ZNF350: variants seen among roughly 807,000 people sequenced by gnomAD.
ZNF350 encodes KRAB zinc finger protein ZFQR.
Under a neutral mutation model 13.1 loss-of-function variants are expected in ZNF350, and 5 were observed. The observed-to-expected ratio is 0.38, with a 90% CI of 0.20 to 0.80. The LOEUF (loss-of-function observed/expected upper bound fraction) is 0.80. ZNF350 is among the 30% of genes least tolerant of loss of function. The probability of loss-of-function intolerance (pLI) is 0.43; values close to 1 mark genes in which losing one functional copy is unlikely to be tolerated. For synonymous variants in ZNF350, 199 were observed against 224.2 expected (o/e 0.89, Z 1.00); for missense variants, 534 against 644.2 (o/e 0.83, Z 1.85).
chr19:51,970,204 G>A (rs890295528), intron 2 of ZNF350, among the ~76,000 whole-genome samples: 10 of 151,820 alleles, frequency 6.6e-5, no homozygotes, highest in Admixed American at 1.3e-4. Context: ...TAGGATTACA[G>A]GTGCCCGCCA....
intron 2 of ZNF350, among the ~76,000 whole-genome samples, chr19:51,971,054 A>G (rs575573088): frequency 1.2e-4 from 19 of 152,348 alleles, no homozygotes; most frequent in Admixed American, 3.3e-4. Flanking sequence ...AATAGTGACA[A>G]TTAAGACTAC....
chr19:51,981,164 A>G (rs2086026535), intron 1 of ZNF350: 1 of 152,218 alleles, frequency 6.6e-6, no homozygotes. Flanking sequence ...TGCTGGAGGC[A>G]ATCACTCCCT....
At chr19:51,982,208 C>T (rs749178552) in intron 1 of ZNF350, among the ~76,000 whole-genome samples, 2 of 151,902 alleles carry the variant, frequency 1.3e-5, no homozygotes, top group African/African-American at 4.9e-5. Flanking sequence ...CATCCTAACT[C>T]ATAAAACCCC....
intron 1 of ZNF350, among the ~76,000 whole-genome samples, chr19:51,975,497 G>T (rs1000740332): frequency 2.0e-5 from 3 of 148,596 alleles, no homozygotes; most frequent in Non-Finnish European, 4.4e-5. Context: ...CAACAAAAGG[G>T]GGAAATGTAA....
chr19:51,967,628 GA>G (rs1433423149), intron 4 of ZNF350, among the ~76,000 whole-genome samples: 1 of 151,976 alleles, frequency 6.6e-6, no homozygotes, highest in Non-Finnish European at 1.5e-5. Context: ...ATACGATGGG[GA>G]AAAAAACGAA....
At chr19:51,970,712 C>T (rs2085713529) in intron 2 of ZNF350, among the ~76,000 whole-genome samples, 1 of 152,128 alleles carries the variant, frequency 6.6e-6, no homozygotes, top group Non-Finnish European at 1.5e-5. Flanking sequence ...AGATCTAACA[C>T]TGAAAATTTT....
rs1233849051 is a variant in ZNF350 at position 51,965,418 on chromosome 19, G to A, written c.1035C>T (p.Pro345=). The change falls in exon 5 of 5, where the codon CCC becomes CCT. Residue 345 remains proline (P), a synonymous_variant. Coordinates refer to ENST00000243644, the MANE Select transcript of ZNF350 (RefSeq NM_021632.4). ...ATTTTCCACATTCACTGCACACAAA[G>A]GGCGTCTTTCCTGTGTGAAATCTCT... ...AHQRFHTGKT[P]FVCSECGKSC... is the part of the protein sequence containing the mutation. 6.2e-7 allele frequency: 1 copy of A among 1,613,710 alleles called. No homozygotes were observed. Among genetic ancestry groups the A allele is most frequent in the East Asian group, 2.2e-5 (1 of 44,796 alleles).
At chr19:51,974,861 G>A (rs1256178190) in intron 1 of ZNF350, 1 of 153,244 alleles carries the variant, frequency 6.5e-6, no homozygotes, top group Non-Finnish European at 1.5e-5. Flanking sequence ...GAGAGGACCT[G>A]GTCTTTGTTT....
At chr19:51,972,501 A>G (rs573250892) in intron 2 of ZNF350, among the ~76,000 whole-genome samples, 2 of 151,994 alleles carry the variant, frequency 1.3e-5, no homozygotes, top group South Asian at 4.1e-4. Context: ...ATGGAATTTT[A>G]TATAATTAAT....
chr19:51,967,287 A>G (rs970318533), intron 4 of ZNF350: 4 of 152,262 alleles, frequency 2.6e-5, no homozygotes, highest in South Asian at 2.1e-4. Context: ...TGTGCCAGGT[A>G]TGGTGCTGGT....
At chr19:51,979,335 C>G (rs2085976970) in intron 1 of ZNF350, among the ~76,000 whole-genome samples, 1 of 152,140 alleles carries the variant, frequency 6.6e-6, no homozygotes, top group Non-Finnish European at 1.5e-5. Flanking sequence ...GCAGTATGGC[C>G]TATACTTTGG....
chr19:51,984,826 C>T (rs901327014), intron 1 of ZNF350, among the ~76,000 whole-genome samples: 2 of 150,926 alleles, frequency 1.3e-5, no homozygotes, highest in African/African-American at 2.4e-5. Flanking sequence ...ACTGTAAATT[C>T]GCCTGATCCT....
intron 1 of ZNF350, chr19:51,981,807 A>G (rs1316347940): frequency 6.6e-6 from 1 of 152,244 alleles, no homozygotes; most frequent in African/African-American, 2.4e-5. Flanking sequence ...CAGTCTTGAA[A>G]TGTATACAGC....
intron 1 of ZNF350, among the ~76,000 whole-genome samples, chr19:51,986,317 C>A (rs538133002): frequency 3.0e-4 from 46 of 152,304 alleles, no homozygotes; most frequent in African/African-American, 1.0e-3. Context: ...CTTCAGCCCT[C>A]ACAAGCCTTT....
At chr19:51,968,024 G>A (rs2085627240) in intron 4 of ZNF350, among the ~76,000 whole-genome samples, 1 of 152,182 alleles carries the variant, frequency 6.6e-6, no homozygotes, top group Admixed American at 6.5e-5. Context: ...CAATTTTGAA[G>A]AGTGAAGGGC....
At chr19:51,969,963 G>A (rs2085687718) in intron 2 of ZNF350, among the ~76,000 whole-genome samples, 2 of 152,056 alleles carry the variant, frequency 1.3e-5, no homozygotes, top group South Asian at 4.1e-4. Context: ...CATAATCTCA[G>A]CTCACTGCAA....
intron 1 of ZNF350, among the ~76,000 whole-genome samples, chr19:51,984,453 A>T (rs2086124837): frequency 6.6e-6 from 1 of 152,182 alleles, no homozygotes; most frequent in Non-Finnish European, 1.5e-5. Flanking sequence ...CCACTTTAGA[A>T]AACAGTTTGA....
intron 1 of ZNF350, among the ~76,000 whole-genome samples, chr19:51,977,078 T>A (rs542377293): frequency 6.6e-6 from 1 of 152,356 alleles, no homozygotes; most frequent in East Asian, 1.9e-4. Context: ...ACATCTGTAC[T>A]GCCTCCTTCG....
Position 51,965,644 on chromosome 19 carries a change from G to A in ZNF350, c.809C>T (p.Ala270Val). The A allele has an allele frequency of 6.2e-7, 1 of 1,614,170 alleles. No homozygotes were observed. Among genetic ancestry groups the A allele is most frequent in the Non-Finnish European group, 8.5e-7 (1 of 1,180,032 alleles). The change falls in exon 5 of 5, where the codon GCC becomes GTC. Residue 270 changes from alanine (A) to valine (V), a missense_variant. By Grantham distance (64) the Ala-to-Val change is moderately conservative (BLOSUM62 0). Transcript: ENST00000243644. ...KPYECPECGK[A>V]FLKKSRLNIH... ...GTTGAGCCGTGATTTCTTGAGAAAG[G>A]CTTTGCCACATTCAGGGCATTCATA...
Sources: gnomAD v4.1 joint callset for allele counts (sites outside exome capture counted in the v4.1 genomes callset) on GRCh38, gnomAD v4.1.1 for gene constraint, MANE v1.5 for transcripts, NCBI Gene and HGNC (gene_info 2026-07-23, HGNC 2026-07-21) for gene names.